The following HEATR1 variants were observed in gnomAD, a reference collection of about 807,000 sequenced individuals.
HEATR1 encodes HEAT repeat-containing protein 1.
In HEATR1, 77 loss-of-function variants were observed where a neutral mutation model predicts 248.2. That is an observed-to-expected ratio of 0.31 (90% CI 0.26 to 0.37). HEATR1 has a LOEUF of 0.37. Among genes scored for constraint, HEATR1 ranks in the 10% least tolerant of loss-of-function variants. HEATR1 has a pLI of 1.00. For synonymous variants in HEATR1, 897 were observed against 923.1 expected, an observed-to-expected ratio of 0.97 and a Z score of 0.51; for missense variants, 2,420 against 2,504.9, an observed-to-expected ratio of 0.97 and a Z score of 0.72.
intron 20 of HEATR1, among the ~76,000 whole-genome samples, chr1:236,580,737 G>A (rs2103141271): frequency 6.6e-6 from 1 of 151,460 alleles, no homozygotes; most frequent in Admixed American, 6.6e-5. Context: ...AGCTGGTCTT[G>A]AACTCTTGGC....
rs1251982192 is a variant in HEATR1, at chr1:236,555,473, A to G, written c.5755-9T>C. ...TTAGCCCAATCAAACAGCTGAAAGG[A>G]TAAGACAGTATTAGTTTCTTCGACA... is the stretch of plus-strand genomic sequence containing the variant. On this transcript the variant is annotated splice_polypyrimidine_tract_variant and intron_variant, in intron 40 of 44. Coordinates refer to ENST00000366582, the MANE Select transcript of HEATR1 (RefSeq NM_018072.6). 1.9e-6 allele frequency: 3 copies of G among 1,614,226 alleles called. No homozygotes were observed. In the African/African-American group the frequency reaches 4.0e-5, roughly 22 times the overall value.
intron 16 of HEATR1, 68 bp downstream of exon 16, chr1:236,585,752 C>T (rs1016426081): frequency 6.6e-7 from 1 of 1,515,404 alleles, no homozygotes; most frequent in Admixed American, 2.2e-5. Flanking sequence ...TCTAGTAAAG[C>T]AAAAGCTGAG....
intron 36 of HEATR1, among the ~76,000 whole-genome samples, chr1:236,558,015 T>C (rs575392723): frequency 3.9e-5 from 6 of 152,320 alleles, no homozygotes; most frequent in African/African-American, 1.4e-4. Context: ...CATAGCTCAC[T>C]GCAGCCTCAA....
At chr1:236,564,106 A>G (rs138548808) in intron 32 of HEATR1, among the ~76,000 whole-genome samples, 370 of 152,326 alleles carry the variant, frequency 2.4e-3, no homozygotes, top group African/African-American at 7.8e-3. Context: ...ACATGGAGTG[A>G]GACCTGTCTC....
In HEATR1 at chr1:236,559,219, C is replaced by T. The variant is rs868013423; in HGVS notation, c.4771-84G>A. ...TTCAATTAAGACAGACTGCTGTCCA[C>T]TGCACACCTCCAGGCACCAGGCACT... is the stretch of plus-strand genomic sequence containing the variant. On this transcript the variant is annotated intron_variant, in intron 34 of 44. Transcript: ENST00000366582. 2.4e-5 allele frequency: 25 copies of T among 1,048,788 alleles called. No individual in the cohort carries two copies. In the Middle Eastern group the frequency reaches 1.3e-3, roughly 53 times the overall value. The allele number at this position is 1,048,788 out of a possible 1,614,324, so 65.0% of individuals were successfully genotyped here. A position where few individuals can be genotyped will look rare whatever the true frequency, so the allele number is the denominator to read the frequency against.
In HEATR1 at chr1:236,592,132, A is replaced by AAT; in HGVS notation, c.1305-24_1305-23dup. On this transcript the variant is annotated intron_variant, in intron 10 of 44. Coordinates refer to ENST00000366582, the MANE Select transcript of HEATR1 (RefSeq NM_018072.6). The stretch of plus-strand genomic sequence containing the variant: ...GTATCTGGGAAGCAATTAAAAAGTG[A>AAT]ATTCATTATTCTTAATAAATTTATT... 1.7e-6 allele frequency: 2 copies of AAT among 1,165,480 alleles called. 1 individual carries two copies. Among genetic ancestry groups the AAT allele is most frequent in the Non-Finnish European group, 2.5e-6 (2 of 788,824 alleles). The allele number at this position is 1,165,480 out of a possible 1,614,324, so 72.2% of individuals were successfully genotyped here.
At chr1:236,555,275 T>G in intron 41 of HEATR1, 21 bp downstream of exon 41, 1 of 1,612,198 alleles carries the variant, frequency 6.2e-7, no homozygotes, top group Non-Finnish European at 8.5e-7. Flanking sequence ...GGGTGACAGC[T>G]GAACTGAAGC....
At position 236,558,466 on chromosome 1, in the gene HEATR1, C is replaced by G; in HGVS notation, c.4975G>C (p.Gly1659Arg). ...CTGTTGATTGCTTGTTCTTCTTCCC[C>G]TTCCTTTTTCTTACGCTGCACAATG... ...LAIVQRKKKE[G>R]EEEQAINRQT... The change falls in exon 36 of 45, where the codon GGG (glycine) becomes CGG (arginine). Residue 1659 changes from glycine to arginine, a missense_variant. Transcript: ENST00000366582. 1 of 1,614,202 alleles carries G rather than the reference C, an allele frequency of 6.2e-7. No individual in the cohort carries two copies.
At chr1:236,600,378 G>A (rs1448966907) in intron 3 of HEATR1, among the ~76,000 whole-genome samples, 1 of 151,564 alleles carries the variant, frequency 6.6e-6, no homozygotes, top group African/African-American at 2.4e-5. Flanking sequence ...CAATCTACCT[G>A]CCTCAGCCTC....
chr1:236,549,733 C>A lies in HEATR1; in HGVS notation c.*1169G>T, dbSNP rs971928233. ...AAGACCATCAGAGTGCTTAACTGAG[C>A]TGTTGGAGACTGTGAGGCATTTAGG... On this transcript the variant is annotated 3_prime_UTR_variant, in exon 45 of 45. Coordinates refer to ENST00000366582, the MANE Select transcript of HEATR1 (RefSeq NM_018072.6). 6.6e-6 allele frequency: 1 copy of A among 152,110 alleles called. No individual in the cohort carries two copies. Among genetic ancestry groups the A allele is most frequent in the East Asian group, 1.9e-4 (1 of 5,182 alleles). 9.4% of individuals were successfully genotyped at this position (152,110 alleles called of 1,614,324 possible).
In HEATR1 at chr1:236,559,814, T is replaced by G. The variant is rs745869843; in HGVS notation, c.4670A>C (p.Tyr1557Ser). ...EERLLETVLG[Y>S]ISAVAQSMER... ...CATGGACTGTGCAACTGCACTGATA[T>G]AGCCGAGAACGGTCTCCAGCAACCT... The change falls in exon 34 of 45, where the codon TAT (tyrosine) becomes TCT (serine). Residue 1557 changes from tyrosine to serine, a missense_variant. Tyr to Ser is a moderately radical substitution (Grantham distance 144, BLOSUM62 -2). Transcript: ENST00000366582. The G allele has an allele frequency of 1.9e-6, 3 of 1,612,602 alleles. No individual in the cohort carries two copies. The highest frequency in any genetic ancestry group is 2.5e-6 in the Non-Finnish European group (3 of 1,179,084).
intron 26 of HEATR1, 92 bp downstream of exon 26, chr1:236,572,319 C>T: frequency 7.4e-7 from 1 of 1,353,034 alleles, no homozygotes; most frequent in Non-Finnish European, 1.0e-6. Flanking sequence ...ACTATCTAAA[C>T]AAGAGAAGAG....
rs766162265 is a variant in HEATR1, at chr1:236,572,709, C to A, written c.3563+16G>T. 1 of 1,610,428 alleles carries A rather than the reference C, an allele frequency of 6.2e-7. No homozygotes were observed. Among genetic ancestry groups the A allele is most frequent in the East Asian group, 2.2e-5 (1 of 44,856 alleles). On this transcript the variant is annotated intron_variant, in intron 25 of 44. Coordinates refer to ENST00000366582, the MANE Select transcript of HEATR1 (RefSeq NM_018072.6). ...AGGGAACAACAGCATGTGCTCAATG[C>A]ATTTGTAGCTCTTACTTCTGCTGCA...
intron 37 of HEATR1, among the ~76,000 whole-genome samples, chr1:236,556,826 T>C (rs138181605): frequency 6.1e-4 from 93 of 152,274 alleles, no homozygotes; most frequent in Non-Finnish European, 9.6e-4. Flanking sequence ...CTTTGCAAGA[T>C]GCCTTAGGAT....
rs554607537 is a variant in HEATR1 at position 236,559,243 on chromosome 1, C to T, written c.4771-108G>A. ...ACTGCACACCTCCAGGCACCAGGCACTTCCACACACATTTTCTTATTTAAT... is the reference window on the plus strand; with the variant it reads ...ACTGCACACCTCCAGGCACCAGGCATTTCCACACACATTTTCTTATTTAAT... On this transcript the variant is annotated intron_variant, in intron 34 of 44. Coordinates refer to ENST00000366582, the MANE Select transcript of HEATR1 (RefSeq NM_018072.6). 11 of 716,508 alleles carry T rather than the reference C, an allele frequency of 1.5e-5. No homozygotes were observed. In the Admixed American group the frequency reaches 2.8e-4, roughly 18 times the overall value. 44.4% of individuals were successfully genotyped at this position (716,508 alleles called of 1,614,324 possible). A position where few individuals can be genotyped will look rare whatever the true frequency, so the allele number is the denominator to read the frequency against.
chr1:236,589,206 T>TTCCA (rs1301946760), intron 12 of HEATR1, among the ~76,000 whole-genome samples: 5 of 152,246 alleles, frequency 3.3e-5, no homozygotes, highest in African/African-American at 9.6e-5. Context: ...AAACAGAAGA[T>TTCCA]TCCAGGACTC....
chr1:236,561,408 G>T (rs1441144575), intron 32 of HEATR1, 137 bp from the exon 33 acceptor site: 2 of 710,888 alleles, frequency 2.8e-6, no homozygotes, highest in South Asian at 1.7e-5. Flanking sequence ...ATTTAATCAG[G>T]TTCATATCAT....
chr1:236,556,732 C>A (rs1277240545), intron 37 of HEATR1, among the ~76,000 whole-genome samples: 2 of 152,196 alleles, frequency 1.3e-5, no homozygotes, highest in Admixed American at 6.5e-5. Context: ...CAGGTCTCAA[C>A]ATTCTTGAGC....
Position 236,569,036 on chromosome 1 carries a change from A to G in HEATR1, c.4037T>C (p.Ile1346Thr), listed in dbSNP as rs2103132434. The G allele has an allele frequency of 6.2e-7, 1 of 1,610,382 alleles. No individual in the cohort carries two copies. The highest frequency in any genetic ancestry group is 1.1e-5 in the South Asian group (1 of 90,276). The change falls in exon 29 of 45, where the codon ATT (isoleucine) becomes ACT (threonine). Residue 1346 changes from isoleucine to threonine, a missense_variant. By Grantham distance (89) the Ile-to-Thr change is moderately conservative (BLOSUM62 -1). Transcript: ENST00000366582. The stretch of plus-strand genomic sequence containing the variant: ...AATAACCATTTTCACTGTCTTGTTA[A>G]TAACTTGAAAACTGTAAGTATCATC... ...RLDDTYSFQV[I>T]NKTVKMVIPA...
Sources: gnomAD v4.1 joint callset for allele counts (sites outside exome capture counted in the v4.1 genomes callset) on GRCh38, gnomAD v4.1.1 for gene constraint, MANE v1.5 for transcripts, NCBI Gene and HGNC (gene_info 2026-07-23, HGNC 2026-07-21) for gene names.